Variants in EBF3 observed in about 807,000 individuals in gnomAD.
EBF3 encodes the protein transcription factor COE3.
A neutral mutation model predicts 77.1 loss-of-function variants in EBF3; 18 were observed. That is an observed-to-expected ratio of 0.23 (90% CI 0.16 to 0.35). The LOEUF (loss-of-function observed/expected upper bound fraction) is 0.35, where lower values mean the gene tolerates loss of function less well. EBF3 is among the 10% of genes least tolerant of loss of function. The pLI is 1.00. For missense variants in EBF3, 558 were observed against 860.0 expected (o/e 0.65, Z 4.39); for synonymous variants, 350 against 343.5 (o/e 1.02, Z -0.21).
At chr10:129,876,885 A>AACCCCCCCCCC (rs1852809898) in intron 7 of EBF3, among the ~76,000 whole-genome samples, 2 of 42,368 alleles carry the variant, frequency 4.7e-5, no homozygotes, top group Admixed American at 3.9e-4. Context: ...TCATCCCTGA[A>AACCCCCCCCCC]CCCCCCCCCC....
At chr10:129,858,616 G>A (rs1178059369) in intron 10 of EBF3, among the ~76,000 whole-genome samples, 1 of 152,170 alleles carries the variant, frequency 6.6e-6, no homozygotes, top group Non-Finnish European at 1.5e-5. Flanking sequence ...AGGGCCAGTG[G>A]GGAGATTCCC....
chr10:129,955,268 A>G (rs1858954912), intron 6 of EBF3, among the ~76,000 whole-genome samples: 1 of 152,232 alleles, frequency 6.6e-6, no homozygotes, highest in Non-Finnish European at 1.5e-5. Context: ...ACGGTGATTA[A>G]AATTTCTATA....
chr10:129,914,863 AC>A (rs529960300), intron 6 of EBF3, among the ~76,000 whole-genome samples: 41 of 152,112 alleles, frequency 2.7e-4, no homozygotes, highest in African/African-American at 8.9e-4. Flanking sequence ...GCAATAAAAG[AC>A]CCTCAGGGTC....
intron 6 of EBF3, among the ~76,000 whole-genome samples, chr10:129,899,970 G>A (rs921336654): frequency 1.1e-4 from 17 of 152,192 alleles, no homozygotes; most frequent in Non-Finnish European, 1.9e-4. Context: ...TGCTCTTGTC[G>A]TTGCTGCAGA....
intron 10 of EBF3, among the ~76,000 whole-genome samples, chr10:129,851,984 A>C (rs1463487429): frequency 1.3e-5 from 2 of 152,240 alleles, no homozygotes; most frequent in Non-Finnish European, 2.9e-5. Context: ...TTAGAATAAG[A>C]AAATTACACA....
intron 6 of EBF3, among the ~76,000 whole-genome samples, chr10:129,937,223 A>G (rs577776626): frequency 6.6e-6 from 1 of 152,276 alleles, no homozygotes; most frequent in African/African-American, 2.4e-5. Flanking sequence ...CGGGTCGACA[A>G]GGGAAAGAGC....
chr10:129,940,173 G>A (rs956916608), intron 6 of EBF3, among the ~76,000 whole-genome samples: 2 of 152,180 alleles, frequency 1.3e-5, no homozygotes, highest in East Asian at 3.9e-4. Flanking sequence ...CCCTGCACAG[G>A]CATCCTGGGC....
At chr10:129,918,184 G>C (rs1180038438) in intron 6 of EBF3, among the ~76,000 whole-genome samples, 1 of 152,206 alleles carries the variant, frequency 6.6e-6, no homozygotes, top group Non-Finnish European at 1.5e-5. Flanking sequence ...AGGGCTCCCA[G>C]CCTGGCATTT....
intron 6 of EBF3, among the ~76,000 whole-genome samples, chr10:129,919,981 G>T (rs987468432): frequency 2.0e-5 from 3 of 146,532 alleles, no homozygotes; most frequent in African/African-American, 7.8e-5. Flanking sequence ...TCTAGGGCGA[G>T]TATCTCCAGG....
chr10:129,930,443 G>A (rs908788848), intron 6 of EBF3, among the ~76,000 whole-genome samples: 4 of 127,226 alleles, frequency 3.1e-5, no homozygotes, highest in Admixed American at 8.4e-5. Context: ...TCATATATCT[G>A]TATCTATATC....
In EBF3 at chr10:129,959,440, A is replaced by G. The variant is rs556370920; in HGVS notation, c.412-433T>C. On this transcript the variant is annotated intron_variant, in intron 4 of 16. Transcript: ENST00000440978. ...AGGCCATTGTCTACAACGAGTTCCAATCTGCATGTTGGGAGAGGCCGATCA... is the reference window on the plus strand; with the variant it reads ...AGGCCATTGTCTACAACGAGTTCCAGTCTGCATGTTGGGAGAGGCCGATCA... 2.0e-5 allele frequency among the ~76,000 whole-genome samples: 3 copies of G among 152,088 alleles called. No homozygotes were observed. In the East Asian group the frequency reaches 5.8e-4, roughly 30 times the overall value.
chr10:129,913,592 C>G (rs190420247), intron 6 of EBF3, among the ~76,000 whole-genome samples: 2 of 152,244 alleles, frequency 1.3e-5, no homozygotes, highest in Non-Finnish European at 2.9e-5. Context: ...ACCTCGAGCA[C>G]CCCCAGAGCT....
At chr10:129,957,195 G>T in intron 6 of EBF3, 63 bp downstream of exon 6, 1 of 1,472,876 alleles carries the variant, frequency 6.8e-7, no homozygotes, top group Non-Finnish European at 9.4e-7. Context: ...TGGAAACCAA[G>T]CAAGGCAAAA....
chr10:129,957,341 T>C lies in EBF3; in HGVS notation c.486-15A>G. 1 of 1,589,536 alleles carries C rather than the reference T, an allele frequency of 6.3e-7. No individual in the cohort carries two copies. The highest frequency in any genetic ancestry group is 8.6e-7 in the Non-Finnish European group (1 of 1,168,480). On this transcript the variant is annotated splice_polypyrimidine_tract_variant and intron_variant, in intron 5 of 16. Transcript: ENST00000440978. Reference sequence around the variant, plus strand: ...CACAGCACCGGCTGTGGAGCAATTGTAAACAGTGGTTTTAATATGCATTTC... The same window carrying C: ...CACAGCACCGGCTGTGGAGCAATTGCAAACAGTGGTTTTAATATGCATTTC...
At position 129,964,062 on chromosome 10, in the gene EBF3, C is replaced by T. The variant is rs1859748211; in HGVS notation, c.-294G>A. ...TGTTGTTGTTGTTTGCAGGCGCGCT[C>T]AACGTGGTGTCATCCTAGCCAGGCG... On this transcript the variant is annotated 5_prime_UTR_variant, in exon 1 of 17. The change abolishes the stop of an existing upstream ORF in the 5' untranslated region. Transcript: ENST00000440978. This position sits in a 1 kb window ranked among gnomAD's most constrained non-coding sequence, Gnocchi z 4.5. 2 of 985,084 alleles carry T rather than the reference C, an allele frequency of 2.0e-6. No individual in the cohort carries two copies. Among genetic ancestry groups the T allele is most frequent in the Middle Eastern group, 5.2e-4 (1 of 1,934 alleles). 61.0% of individuals were successfully genotyped at this position (985,084 alleles called of 1,614,324 possible).
At chr10:129,926,393 G>A (rs1359280603) in intron 6 of EBF3, among the ~76,000 whole-genome samples, 1 of 152,194 alleles carries the variant, frequency 6.6e-6, no homozygotes. Context: ...GGGGGTGCAG[G>A]GAGAACAGGG....
intron 8 of EBF3, among the ~76,000 whole-genome samples, chr10:129,872,191 C>G (rs187918501): frequency 1.2e-4 from 19 of 152,278 alleles, no homozygotes; most frequent in African/African-American, 4.3e-4. Flanking sequence ...TCTAGGGAAG[C>G]GAGGAACTGA....
At chr10:129,868,391 C>A (rs1050719573) in intron 8 of EBF3, among the ~76,000 whole-genome samples, 4 of 152,250 alleles carry the variant, frequency 2.6e-5, no homozygotes, top group African/African-American at 7.2e-5. Context: ...TCCTCTGTCA[C>A]TCCACAATTA....
At chr10:129,895,675 C>T (rs547982302) in intron 6 of EBF3, among the ~76,000 whole-genome samples, 4 of 152,328 alleles carry the variant, frequency 2.6e-5, no homozygotes, top group Admixed American at 2.6e-4. Flanking sequence ...TGCTTCTCCA[C>T]CTGGGACAAG....
Sources: gnomAD v4.1 joint callset for allele counts (sites outside exome capture counted in the v4.1 genomes callset) on GRCh38, gnomAD v4.1.1 for gene constraint, Gnocchi (gnomAD v3.1) non-coding constraint, MANE v1.5 for transcripts, NCBI Gene and HGNC (gene_info 2026-07-23, HGNC 2026-07-21) for gene names.